NOS2: variants seen among roughly 807,000 people sequenced by gnomAD.
NOS2 encodes the protein nitric oxide synthase, inducible.
A neutral mutation model predicts 136.0 loss-of-function variants in NOS2; 96 were observed. The observed-to-expected ratio is 0.71, with a 90% CI of 0.60 to 0.84. The LOEUF is 0.84. Among genes scored for constraint, NOS2 ranks in the 40% least tolerant of loss-of-function variants. The pLI, the probability that NOS2 is intolerant of heterozygous loss-of-function variation, is 0.00. For synonymous variants in NOS2, 539 were observed against 587.5 expected (o/e 0.92, Z 1.20); for missense variants, 1,237 against 1,496.9 (o/e 0.83, Z 2.87).
At chr17:27,792,318 T>G (rs542995143) in intron 2 of NOS2, among the ~76,000 whole-genome samples, 1 of 152,326 alleles carries the variant, frequency 6.6e-6, no homozygotes, top group South Asian at 2.1e-4. Context: ...CGAGGGAATG[T>G]TAGTAAATGT....
At chr17:27,788,403 C>T (rs758063490) in intron 4 of NOS2, among the ~76,000 whole-genome samples, 9 of 152,208 alleles carry the variant, frequency 5.9e-5, no homozygotes, top group Non-Finnish European at 7.3e-5. Context: ...AGTCCAACCA[C>T]TCACAGGATA....
intron 4 of NOS2, among the ~76,000 whole-genome samples, chr17:27,788,044 G>A (rs1252680019): frequency 6.6e-6 from 1 of 152,050 alleles, no homozygotes; most frequent in Non-Finnish European, 1.5e-5. Context: ...TGTGAGTCAG[G>A]TTTTTCTCCC....
At chr17:27,773,133 A>T (rs765555512) in intron 13 of NOS2, 28 bp downstream of exon 13, 1 of 1,543,434 alleles carries the variant, frequency 6.5e-7, no homozygotes. Flanking sequence ...TTCACACATC[A>T]CTACTAGCCA....
chr17:27,783,161 A>G (rs1908907834), intron 5 of NOS2, 55 bp from the exon 6 acceptor site: 1 of 1,574,270 alleles, frequency 6.4e-7, no homozygotes, highest in African/African-American at 1.3e-5. Context: ...TTACATGGGG[A>G]TTAATTCAAT....
In NOS2 at chr17:27,764,690, C is replaced by G. The variant is rs369714390; in HGVS notation, c.2429-546G>C. Among the ~76,000 whole-genome samples, 7 of 152,236 alleles carry G rather than the reference C, an allele frequency of 4.6e-5. No individual in the cohort carries two copies. In the South Asian group the frequency reaches 8.3e-4, roughly 18 times the overall value. On this transcript the variant is annotated intron_variant, in intron 20 of 26. Transcript: ENST00000313735. Reference sequence around the variant, plus strand: ...GGTGACTGAAGCCTCTGGGCCTTGGCTTCCCTCCCTGTGAAACAGATCTGA... The same window carrying G: ...GGTGACTGAAGCCTCTGGGCCTTGGGTTCCCTCCCTGTGAAACAGATCTGA...
intron 18 of NOS2, among the ~76,000 whole-genome samples, chr17:27,767,175 T>C (rs917242097): frequency 3.9e-5 from 6 of 152,212 alleles, no homozygotes; most frequent in African/African-American, 1.2e-4. Flanking sequence ...ATCTTAAATA[T>C]GCAGAAACCT....
In NOS2 at chr17:27,765,548, G is replaced by A. The variant is rs770219621; in HGVS notation, c.2415C>T (p.Ala805=). 6.2e-7 allele frequency: 1 copy of A among 1,603,876 alleles called. No individual in the cohort carries two copies. The highest frequency in any genetic ancestry group is 8.5e-7 in the Non-Finnish European group (1 of 1,176,472). Residue 805 remains alanine (A), a synonymous_variant, in exon 20 of 27, where the codon GCC becomes GCT. Transcript: ENST00000313735. The part of the protein sequence containing the change: ...PTPHQTVRLE[A]LDESGSYWVS... Reference sequence around the variant, plus strand: ...CCCGGGGCTCACCACTCTCATCCAGGGCCTCCAGGCGCACTGTCTGGTGGG... The same window carrying A: ...CCCGGGGCTCACCACTCTCATCCAGAGCCTCCAGGCGCACTGTCTGGTGGG...
At position 27,756,893 on chromosome 17, in the gene NOS2, A is replaced by G. The variant is rs56090761; in HGVS notation, c.*353T>C. ...AATACAGAGGCATAAATAACTGTACACAAGGCAGTTAAATACACAGTGGTG... is the reference window on the plus strand; with the variant it reads ...AATACAGAGGCATAAATAACTGTACGCAAGGCAGTTAAATACACAGTGGTG... On this transcript the variant is annotated 3_prime_UTR_variant, in exon 27 of 27. Transcript: ENST00000313735. 0.015 allele frequency: 3,880 copies of G among 256,634 alleles called. 37 individuals are homozygous for G. The highest frequency in any genetic ancestry group is 0.032 in the South Asian group (265 of 8,342). 15.9% of individuals were successfully genotyped at this position (256,634 alleles called of 1,614,324 possible). A position where few individuals can be genotyped will look rare whatever the true frequency, so the allele number is the denominator to read the frequency against.
Position 27,757,188 on chromosome 17 carries a change from C to T in NOS2, c.*58G>A. 2 of 1,381,112 alleles carry T rather than the reference C, an allele frequency of 1.4e-6. No homozygotes were observed. The allele number at this position is 1,381,112 out of a possible 1,614,324, so 85.6% of individuals were successfully genotyped here. A position where few individuals can be genotyped will look rare whatever the true frequency, so the allele number is the denominator to read the frequency against. ...CCAGGCCCTGTGACCTCAGATAATG[C>T]AGAGCTGGCTCCATCCTTAAGTTCT... On this transcript the variant is annotated 3_prime_UTR_variant, in exon 27 of 27. Coordinates refer to ENST00000313735, the MANE Select transcript of NOS2 (RefSeq NM_000625.4).
At chr17:27,785,492 A>G (rs1335788922) in intron 5 of NOS2, among the ~76,000 whole-genome samples, 1 of 152,046 alleles carries the variant, frequency 6.6e-6, no homozygotes, top group Non-Finnish European at 1.5e-5. Context: ...CCTCATCCCC[A>G]TCTCCCCAGA....
Position 27,778,808 on chromosome 17 carries a change from A to G in NOS2, c.1180-17T>C, listed in dbSNP as rs2151330747. 6.2e-7 allele frequency: 1 copy of G among 1,613,842 alleles called. No homozygotes were observed. On this transcript the variant is annotated splice_polypyrimidine_tract_variant and intron_variant, in intron 10 of 26. Coordinates refer to ENST00000313735, the MANE Select transcript of NOS2 (RefSeq NM_000625.4). Reference sequence around the variant, plus strand: ...GCCCACTTCCTACAGAGGCAGAGTGATAGCGGCGAGTCGGTCCCTGAAGCC... The same window carrying G: ...GCCCACTTCCTACAGAGGCAGAGTGGTAGCGGCGAGTCGGTCCCTGAAGCC...
In NOS2 at chr17:27,764,248, G is replaced by T. The variant is rs896985357; in HGVS notation, c.2429-104C>A. 1.1e-5 allele frequency: 7 copies of T among 661,364 alleles called. No homozygotes were observed. In the African/African-American group the frequency reaches 1.2e-4, roughly 11 times the overall value. 41.0% of individuals were successfully genotyped at this position (661,364 alleles called of 1,614,324 possible). ...GACACCCTCTATTCTCCAGCTGCAG[G>T]GGAAAGGAGGCTCTAAAGACCTGGC... On this transcript the variant is annotated intron_variant, in intron 20 of 26. Transcript: ENST00000313735.
intron 13 of NOS2, 76 bp downstream of exon 13, chr17:27,773,085 G>T: frequency 8.8e-7 from 1 of 1,134,842 alleles, no homozygotes. Context: ...GCCCTTCAAG[G>T]ACTGGAGGCA....
intron 3 of NOS2, 33 bp from the exon 4 acceptor site, chr17:27,788,964 G>A (rs1213326024): frequency 1.9e-6 from 3 of 1,609,758 alleles, no homozygotes; most frequent in Non-Finnish European, 1.7e-6. Context: ...TTTCTCTCAG[G>A]TCTCTCCTAG....
chr17:27,789,086 A>T (rs1211142181), intron 3 of NOS2, among the ~76,000 whole-genome samples, 155 bp from the exon 4 acceptor site: 1 of 152,182 alleles, frequency 6.6e-6, no homozygotes, highest in Non-Finnish European at 1.5e-5. Context: ...GACCTGGGCC[A>T]GTGCCTGCTA....
chr17:27,773,201 T>G lies in NOS2; in HGVS notation c.1519A>C (p.Arg507=), dbSNP rs1452054372. The change falls in exon 13 of 27, where the codon AGA becomes CGA. Residue 507 remains arginine (R), a synonymous_variant. Coordinates refer to ENST00000313735, the MANE Select transcript of NOS2 (RefSeq NM_000625.4). The part of the protein sequence containing the change: ...KTHVWQDEKR[R]PKRREIPLKV... ...AATGGAATCTCTCTTCTCTTGGGTC[T>G]CCGCTTCTCGTCCTGCCAGACATGG... The G allele has an allele frequency of 6.2e-7, 1 of 1,614,010 alleles. No homozygotes were observed. The highest frequency in any genetic ancestry group is 1.7e-5 in the Admixed American group (1 of 59,990).
chr17:27,769,298 C>T, intron 16 of NOS2, 147 bp from the exon 17 acceptor site: 1 of 868,994 alleles, frequency 1.2e-6, no homozygotes, highest in Non-Finnish European at 1.8e-6. Flanking sequence ...TCCTCTCCAT[C>T]CCCCAGCCTT....
intron 6 of NOS2, among the ~76,000 whole-genome samples, chr17:27,782,382 C>G (rs550632631): frequency 3.9e-5 from 6 of 152,282 alleles, no homozygotes; most frequent in African/African-American, 1.2e-4. Context: ...ACCCAGAATT[C>G]CAAGAAAACC....
intron 11 of NOS2, among the ~76,000 whole-genome samples, chr17:27,775,047 C>A (rs1379205150): frequency 2.0e-5 from 3 of 152,242 alleles, no homozygotes; most frequent in Non-Finnish European, 2.9e-5. Flanking sequence ...CTGTGGCAAC[C>A]CATTCAGTCA....
Sources: gnomAD v4.1 joint callset for allele counts (sites outside exome capture counted in the v4.1 genomes callset) on GRCh38, gnomAD v4.1.1 for gene constraint, MANE v1.5 for transcripts, NCBI Gene and HGNC (gene_info 2026-07-23, HGNC 2026-07-21) for gene names.